NOP58: variants seen among roughly 807,000 people sequenced by gnomAD.
NOP58 encodes the protein NOP58 ribonucleoprotein, also known as nucleolar protein 58.
In NOP58, 44 loss-of-function variants were observed where a neutral mutation model predicts 71.2. The ratio of observed to expected loss-of-function variants is 0.62; its 90% CI spans 0.49 to 0.79. NOP58 has a LOEUF of 0.79. Ranked by LOEUF, NOP58 falls within the 30% of genes least tolerant of loss-of-function variation. The probability of loss-of-function intolerance (pLI) is 0.00; values close to 1 mark genes in which losing one functional copy is unlikely to be tolerated. For synonymous variants in NOP58, 228 were observed against 200.3 expected (o/e 1.14, Z -1.17); for missense variants, 538 against 620.2 (o/e 0.87, Z 1.41).
At chr2:202,277,903 C>T (rs768748143) in intron 2 of NOP58, 47 bp from the exon 3 acceptor site, 10 of 981,286 alleles carry the variant, frequency 1.0e-5, no homozygotes, top group South Asian at 8.5e-5. Flanking sequence ...TTTGAATCAA[C>T]GCACTGCCCC....
chr2:202,285,741 G>C (rs532403504), intron 5 of NOP58, among the ~76,000 whole-genome samples: 17 of 152,222 alleles, frequency 1.1e-4, no homozygotes, highest in African/African-American at 4.1e-4. Context: ...TTCATGAAAA[G>C]CTTAATACTT....
At chr2:202,277,679 G>A (rs1185143241) in intron 2 of NOP58, among the ~76,000 whole-genome samples, 1 of 152,136 alleles carries the variant, frequency 6.6e-6, no homozygotes, top group Non-Finnish European at 1.5e-5. Context: ...ACAGGGGTTT[G>A]TATTAAAGCT....
At position 202,265,962 on chromosome 2, in the gene NOP58, G is replaced by T; in HGVS notation, c.21G>T (p.Thr7=). The T allele has an allele frequency of 6.2e-7, 1 of 1,614,184 alleles. No individual in the cohort carries two copies. The highest frequency in any genetic ancestry group is 8.5e-7 in the Non-Finnish European group (1 of 1,180,044). The part of the protein sequence containing the change: MLVLFE[T]SVGYAIFKVL... Reference sequence around the variant, plus strand: ...TCACCATGTTGGTGCTGTTTGAAACGTCTGTGGGTTACGCCATCTTTAAGG... The same window carrying T: ...TCACCATGTTGGTGCTGTTTGAAACTTCTGTGGGTTACGCCATCTTTAAGG... The change falls in exon 1 of 15, where the codon ACG becomes ACT. Residue 7 remains threonine, a synonymous_variant. Coordinates refer to ENST00000264279, the MANE Select transcript of NOP58 (RefSeq NM_015934.5).
At chr2:202,293,588 T>C (rs1688941531) in intron 9 of NOP58, among the ~76,000 whole-genome samples, 1 of 151,872 alleles carries the variant, frequency 6.6e-6, no homozygotes, top group Non-Finnish European at 1.5e-5. Context: ...CATAACTCCT[T>C]TTTTTTTGTT....
At chr2:202,296,236 G>A (rs1468357538) in intron 10 of NOP58, among the ~76,000 whole-genome samples, 2 of 151,796 alleles carry the variant, frequency 1.3e-5, no homozygotes, top group East Asian at 1.9e-4. Flanking sequence ...CCGCTCTGTC[G>A]CCAGGCTAGA....
intron 1 of NOP58, among the ~76,000 whole-genome samples, chr2:202,268,775 C>T (rs1688463181): frequency 1.3e-5 from 2 of 151,492 alleles, no homozygotes; most frequent in Non-Finnish European, 2.9e-5. Context: ...CCACGCCCAG[C>T]TAATTTTGTA....
intron 1 of NOP58, among the ~76,000 whole-genome samples, chr2:202,273,111 C>T (rs1428564215): frequency 2.0e-5 from 3 of 150,650 alleles, no homozygotes; most frequent in Non-Finnish European, 4.5e-5. Context: ...GGCGACAGAG[C>T]GAGACTCCGT....
chr2:202,299,053 C>T (rs925562415), intron 12 of NOP58, among the ~76,000 whole-genome samples: 4 of 149,490 alleles, frequency 2.7e-5, no homozygotes, highest in African/African-American at 5.0e-5. Flanking sequence ...TCTGACTCCC[C>T]GGTTCAAGTT....
chr2:202,297,335 T>C, intron 10 of NOP58, 44 bp from the exon 11 acceptor site: 1 of 1,563,442 alleles, frequency 6.4e-7, no homozygotes, highest in East Asian at 2.3e-5. Context: ...ATTGAGGATT[T>C]TACATCTGAA....
At chr2:202,273,920 C>T (rs979100984) in intron 1 of NOP58, among the ~76,000 whole-genome samples, 1 of 147,662 alleles carries the variant, frequency 6.8e-6, no homozygotes, top group African/African-American at 2.5e-5. Context: ...TCCAGCCTGG[C>T]GACAGAGTGA....
At chr2:202,281,255 T>A (rs1004865626) in intron 3 of NOP58, among the ~76,000 whole-genome samples, 2 of 151,622 alleles carry the variant, frequency 1.3e-5, no homozygotes, top group African/African-American at 2.4e-5. Flanking sequence ...GCCTCCCGAG[T>A]AGCTAGGATT....
chr2:202,279,879 A>G (rs2105842780), intron 3 of NOP58, among the ~76,000 whole-genome samples: 1 of 152,332 alleles, frequency 6.6e-6, no homozygotes, highest in East Asian at 1.9e-4. Context: ...CCCCCAGTCT[A>G]AGCTCCATGA....
chr2:202,285,349 T>A (rs1356510633), intron 5 of NOP58, among the ~76,000 whole-genome samples: 1 of 145,976 alleles, frequency 6.9e-6, no homozygotes, highest in East Asian at 2.0e-4. Context: ...GCATTTTTTT[T>A]TTTTTTTTTT....
At chr2:202,296,125 A>C (rs888053990) in intron 10 of NOP58, among the ~76,000 whole-genome samples, 2 of 151,366 alleles carry the variant, frequency 1.3e-5, no homozygotes, top group African/African-American at 4.8e-5. Context: ...TCTGGCAGCA[A>C]AAAAAAAATC....
rs969206326 is a variant in NOP58, at chr2:202,268,869, A to T, written c.45+2883A>T. ...GTGATCTGCCCGCCTCAGCCTCCCA[A>T]AGTGCTGGGATTACAGGCGTGAGCC... On this transcript the variant is annotated intron_variant, in intron 1 of 14. Coordinates refer to ENST00000264279, the MANE Select transcript of NOP58 (RefSeq NM_015934.5). 2.6e-5 allele frequency among the ~76,000 whole-genome samples: 4 copies of T among 152,204 alleles called. No homozygotes were observed. The East Asian group carries it at 7.8e-4, about 30-fold the overall frequency.
intron 1 of NOP58, among the ~76,000 whole-genome samples, chr2:202,274,400 ATTTTTTTTTTTTTT>A (rs1173477305): frequency 9.6e-6 from 1 of 104,682 alleles, no homozygotes; most frequent in Non-Finnish European, 1.9e-5. Flanking sequence ...CTAATTTTGT[ATTTTTTTTTTTTTT>A]TTTTTTTTGT....
rs1339918788 is a variant in NOP58 at position 202,280,761 on chromosome 2, C to T, written c.176-1590C>T. Among the ~76,000 whole-genome samples, 4 of 147,728 alleles carry T rather than the reference C, an allele frequency of 2.7e-5. No individual in the cohort carries two copies. The East Asian group carries it at 7.8e-4, about 29-fold the overall frequency. ...TTTTTATTCTTGATTGTGTTTTCAA[C>T]TTGCAAGTCTTTTTTTTTTTTTTTT... On this transcript the variant is annotated intron_variant, in intron 3 of 14. Transcript: ENST00000264279.
chr2:202,303,363 G>A lies in NOP58; in HGVS notation c.1540-23G>A, dbSNP rs202193742. On this transcript the variant is annotated intron_variant, in intron 14 of 14. Coordinates refer to ENST00000264279, the MANE Select transcript of NOP58 (RefSeq NM_015934.5). ...CCCATACAATTTCAGCTCTTTCAAAGCATTCTTGTTGGCTATTTTCAGAGT... is the reference window on the plus strand; with the variant it reads ...CCCATACAATTTCAGCTCTTTCAAAACATTCTTGTTGGCTATTTTCAGAGT... 4.1e-4 allele frequency: 662 copies of A among 1,610,604 alleles called. 4 individuals are homozygous for A. The highest frequency in any genetic ancestry group is 8.3e-5 in the Non-Finnish European group (98 of 1,178,620).
chr2:202,272,145 T>A (rs1027513125), intron 1 of NOP58, among the ~76,000 whole-genome samples: 1 of 133,592 alleles, frequency 7.5e-6, no homozygotes, highest in Non-Finnish European at 1.5e-5. Flanking sequence ...TGTTCTGATG[T>A]ATAATTTTTT....
Sources: gnomAD v4.1 joint callset for allele counts (sites outside exome capture counted in the v4.1 genomes callset) on GRCh38, gnomAD v4.1.1 for gene constraint, MANE v1.5 for transcripts, NCBI Gene and HGNC (gene_info 2026-07-23, HGNC 2026-07-21) for gene names.